Variants in GRIA4 observed in about 807,000 individuals in gnomAD.
The protein encoded by GRIA4 is glutamate receptor 4.
Under a neutral mutation model 104.0 loss-of-function variants are expected in GRIA4, and 34 were observed. The ratio of observed to expected loss-of-function variants is 0.33; its 90% CI spans 0.25 to 0.44. The LOEUF (loss-of-function observed/expected upper bound fraction) is 0.44. Among genes scored for constraint, GRIA4 ranks in the 20% least tolerant of loss-of-function variants. The probability of loss-of-function intolerance (pLI) is 1.00; values close to 1 mark genes in which losing one functional copy is unlikely to be tolerated. For missense variants in GRIA4, 750 were observed against 1,096.5 expected (o/e 0.68, Z 4.46); for synonymous variants, 386 against 381.9 (o/e 1.01, Z -0.13).
chr11:105,927,378 A>G (rs542596082), intron 13 of GRIA4, among the ~76,000 whole-genome samples: 1 of 152,228 alleles, frequency 6.6e-6, no homozygotes, highest in Non-Finnish European at 1.5e-5. Context: ...TACTTATATG[A>G]GTTATATTAT....
intron 4 of GRIA4, among the ~76,000 whole-genome samples, chr11:105,795,789 T>A (rs940250889): frequency 3.9e-5 from 6 of 152,132 alleles, no homozygotes; most frequent in Non-Finnish European, 8.8e-5. Flanking sequence ...TCGATGCTTA[T>A]TATGCATTTA....
chr11:105,694,696 T>C (rs1468409701), intron 3 of GRIA4, among the ~76,000 whole-genome samples: 1 of 152,152 alleles, frequency 6.6e-6, no homozygotes, highest in Non-Finnish European at 1.5e-5. Flanking sequence ...ATTTGATTCA[T>C]ATATTTACGT....
intron 10 of GRIA4, chr11:105,912,520 TTATATATATATAAA>T: frequency 2.9e-6 from 1 of 344,696 alleles, no homozygotes; most frequent in Non-Finnish European, 4.0e-6. Context: ...TCCAACTGTT[TTATATATATATAAA>T]TATATATATA....
intron 5 of GRIA4, among the ~76,000 whole-genome samples, chr11:105,867,600 C>T (rs1486596947): frequency 6.6e-6 from 1 of 152,146 alleles, no homozygotes; most frequent in South Asian, 2.1e-4. Context: ...TATCCCATAA[C>T]TGGTTGAGTC....
chr11:105,972,140 G>A (rs1591501450), intron 15 of GRIA4, 112 bp downstream of exon 15: 1 of 578,406 alleles, frequency 1.7e-6, no homozygotes, highest in Non-Finnish European at 3.1e-6. Context: ...CTCAACCACT[G>A]CCTAAATTAA....
In GRIA4 at chr11:105,979,864, TC is replaced by T; in HGVS notation, c.*127del. 1.5e-6 allele frequency: 1 copy of T among 649,742 alleles called. No homozygotes were observed. Among genetic ancestry groups the T allele is most frequent in the Non-Finnish European group, 2.6e-6 (1 of 379,884 alleles). 40.2% of individuals were successfully genotyped at this position (649,742 alleles called of 1,614,324 possible). On this transcript the variant is annotated 3_prime_UTR_variant, in exon 17 of 17. Coordinates refer to ENST00000282499, the MANE Select transcript of GRIA4 (RefSeq NM_000829.4). ...CCTTTGGCTGAGAGCGGGAAGTCCGTCCTAACGCGCTGGCCGGACATCAGCA... is the reference window on the plus strand; with the variant it reads ...CCTTTGGCTGAGAGCGGGAAGTCCGTCTAACGCGCTGGCCGGACATCAGCA...
At chr11:105,932,991 C>A (rs777922781) in intron 13 of GRIA4, among the ~76,000 whole-genome samples, 1 of 152,112 alleles carries the variant, frequency 6.6e-6, no homozygotes, top group African/African-American at 2.4e-5. Context: ...GTAATCCCAG[C>A]ACTTTGGGAG....
At chr11:105,683,000 A>G (rs1952759784) in intron 3 of GRIA4, among the ~76,000 whole-genome samples, 1 of 152,150 alleles carries the variant, frequency 6.6e-6, no homozygotes, top group Non-Finnish European at 1.5e-5. Flanking sequence ...CTATCCTCTA[A>G]TATTAATAGT....
chr11:105,982,090 ATGAG>A (rs1257111544), downstream of GRIA4: 1 of 152,642 alleles, frequency 6.6e-6, no homozygotes, highest in African/African-American at 2.4e-5. Flanking sequence ...TGTTGAATGA[ATGAG>A]TGAATTGAAT....
intron 3 of GRIA4, among the ~76,000 whole-genome samples, chr11:105,727,783 T>G (rs1478175487): frequency 6.6e-6 from 1 of 152,098 alleles, no homozygotes; most frequent in Non-Finnish European, 1.5e-5. Flanking sequence ...ACTAAGCTTC[T>G]TAAGTGAAGG....
At chr11:105,810,755 C>T (rs2135868354) in intron 4 of GRIA4, among the ~76,000 whole-genome samples, 1 of 152,142 alleles carries the variant, frequency 6.6e-6, no homozygotes. Context: ...CAGATAATCC[C>T]CCCACCCCAC....
At chr11:105,910,951 A>G (rs1318151375) in intron 10 of GRIA4, among the ~76,000 whole-genome samples, 1 of 152,116 alleles carries the variant, frequency 6.6e-6, no homozygotes, top group Non-Finnish European at 1.5e-5. Flanking sequence ...ATAATAATTA[A>G]TAGTGTTTAA....
chr11:105,847,155 G>A (rs549790563), intron 4 of GRIA4, among the ~76,000 whole-genome samples: 5 of 152,220 alleles, frequency 3.3e-5, no homozygotes, highest in African/African-American at 1.2e-4. Flanking sequence ...AAATTGGGGG[G>A]ATGAAACTGT....
At chr11:105,802,830 T>C (rs1348345723) in intron 4 of GRIA4, among the ~76,000 whole-genome samples, 1 of 151,894 alleles carries the variant, frequency 6.6e-6, no homozygotes, top group African/African-American at 2.4e-5. Flanking sequence ...TGTTATACTT[T>C]TAAAATTTAC....
At chr11:105,888,978 C>T (rs1367757112) in intron 6 of GRIA4, among the ~76,000 whole-genome samples, 1 of 151,724 alleles carries the variant, frequency 6.6e-6, no homozygotes, top group Non-Finnish European at 1.5e-5. Context: ...ATATTAATTA[C>T]TATAAGAGAA....
At chr11:105,684,357 AC>A (rs1039128241) in intron 3 of GRIA4, among the ~76,000 whole-genome samples, 1 of 151,980 alleles carries the variant, frequency 6.6e-6, no homozygotes, top group Non-Finnish European at 1.5e-5. Context: ...GGTATCAGTA[AC>A]AACTATATGT....
intron 3 of GRIA4, among the ~76,000 whole-genome samples, chr11:105,736,732 A>G (rs1938973274): frequency 1.3e-5 from 2 of 152,122 alleles, no homozygotes; most frequent in Admixed American, 1.3e-4. Flanking sequence ...TTCTACTATA[A>G]AGTCTGACCT....
At chr11:105,630,631 A>G (rs2135308249) in intron 3 of GRIA4, among the ~76,000 whole-genome samples, 1 of 152,316 alleles carries the variant, frequency 6.6e-6, no homozygotes, top group East Asian at 1.9e-4. Context: ...TTAAGGATTT[A>G]TGGTTATATA....
intron 4 of GRIA4, among the ~76,000 whole-genome samples, chr11:105,825,562 T>C (rs1943739175): frequency 1.3e-5 from 2 of 152,102 alleles, no homozygotes; most frequent in South Asian, 4.1e-4. Context: ...ACAAGGCTTC[T>C]ATGCCTCAGA....
Sources: gnomAD v4.1 joint callset for allele counts (sites outside exome capture counted in the v4.1 genomes callset) on GRCh38, gnomAD v4.1.1 for gene constraint, MANE v1.5 for transcripts, NCBI Gene and HGNC (gene_info 2026-07-23, HGNC 2026-07-21) for gene names.